The following KIF26B variants were observed in gnomAD, a reference collection of about 807,000 sequenced individuals.
KIF26B encodes the protein kinesin-like protein KIF26B.
KIF26B carries 63 observed loss-of-function variants against 151.2 expected under a neutral mutation model. The ratio of observed to expected loss-of-function variants is 0.42; its 90% CI spans 0.34 to 0.51. The LOEUF is 0.51. Among genes scored for constraint, KIF26B ranks in the 20% least tolerant of loss-of-function variants. The pLI, the probability that KIF26B is intolerant of heterozygous loss-of-function variation, is 0.07. For synonymous variants in KIF26B, 1,357 were observed against 1,262.1 expected, an observed-to-expected ratio of 1.08 and a Z score of -1.59; for missense variants, 2,813 against 2,913.6, an observed-to-expected ratio of 0.97 and a Z score of 0.79.
intron 5 of KIF26B, among the ~76,000 whole-genome samples, chr1:245,573,255 G>A (rs921338177): frequency 3.3e-5 from 5 of 152,196 alleles, no homozygotes; most frequent in Non-Finnish European, 7.3e-5. Context: ...CGGGAGCAGC[G>A]GCTCACGCCT....
chr1:245,428,743 TTGTC>T (rs1658705924), intron 4 of KIF26B, among the ~76,000 whole-genome samples: 1 of 152,094 alleles, frequency 6.6e-6, no homozygotes, highest in Non-Finnish European at 1.5e-5. Context: ...AACAAGTCCT[TTGTC>T]TGACTGGCGG....
At chr1:245,382,785 C>CT (rs1053087473) in intron 3 of KIF26B, among the ~76,000 whole-genome samples, 3 of 151,942 alleles carry the variant, frequency 2.0e-5, no homozygotes, top group African/African-American at 7.3e-5. Flanking sequence ...TCAGGCTGGT[C>CT]TTGAACTCCC....
At chr1:245,262,058 T>G (rs1241038700) in intron 2 of KIF26B, among the ~76,000 whole-genome samples, 1 of 152,202 alleles carries the variant, frequency 6.6e-6, no homozygotes, top group Non-Finnish European at 1.5e-5. Context: ...CACTGAGGTG[T>G]GACGAGCACA....
At chr1:245,547,968 C>T (rs1441186812) in intron 5 of KIF26B, among the ~76,000 whole-genome samples, 1 of 152,150 alleles carries the variant, frequency 6.6e-6, no homozygotes, top group Non-Finnish European at 1.5e-5. Flanking sequence ...CCACTTTCTC[C>T]GTGGAGATCC....
intron 2 of KIF26B, among the ~76,000 whole-genome samples, chr1:245,203,246 C>CAAAAAAAAA (rs562600864): frequency 1.4e-4 from 4 of 29,568 alleles, no homozygotes; most frequent in East Asian, 9.7e-4. Flanking sequence ...GACTCTGTCT[C>CAAAAAAAAA]AAAAAAAAAA....
intron 4 of KIF26B, among the ~76,000 whole-genome samples, chr1:245,517,869 ATTTTT>A (rs549396811): frequency 2.3e-5 from 3 of 131,004 alleles, no homozygotes; most frequent in African/African-American, 3.0e-5. Context: ...GTGTCATGTA[ATTTTT>A]TTTTTTTTTT....
rs1429023159 is a variant in KIF26B, at chr1:245,367,782, G to A, written c.999+415G>A. Among the ~76,000 whole-genome samples, 1 of 152,218 alleles carries A rather than the reference G, an allele frequency of 6.6e-6. No homozygotes were observed. The highest frequency in any genetic ancestry group is 1.5e-5 in the Non-Finnish European group (1 of 68,038). The stretch of plus-strand genomic sequence containing the variant: ...TATTAGCAGCGTGACTTGGCACAAG[G>A]GGTTTGCCCTGTCTTAGGCTCAAGT... On this transcript the variant is annotated intron_variant, in intron 3 of 14. Transcript: ENST00000407071. The surrounding 1 kb of genome is among the most constrained non-coding windows in gnomAD (Gnocchi z 4.2).
chr1:245,175,084 G>A (rs927801175), intron 2 of KIF26B, among the ~76,000 whole-genome samples: 1 of 152,114 alleles, frequency 6.6e-6, no homozygotes, highest in Non-Finnish European at 1.5e-5. Flanking sequence ...GTCTCTCCCG[G>A]TTGAGACTTC....
At chr1:245,619,603 CAAAAA>C (rs34022501) in intron 9 of KIF26B, among the ~76,000 whole-genome samples, 1 of 110,774 alleles carries the variant, frequency 9.0e-6, no homozygotes, top group Admixed American at 1.0e-4. Flanking sequence ...GAAACTGTTT[CAAAAA>C]AAAAAAAAAA....
At chr1:245,522,912 G>A (rs540961917) in intron 4 of KIF26B, among the ~76,000 whole-genome samples, 4 of 152,276 alleles carry the variant, frequency 2.6e-5, no homozygotes, top group Middle Eastern at 3.4e-3. Flanking sequence ...ATGTCTAAAC[G>A]GAGACACTTA....
chr1:245,454,007 A>C (rs2103054271), intron 4 of KIF26B, among the ~76,000 whole-genome samples: 1 of 152,252 alleles, frequency 6.6e-6, no homozygotes, highest in East Asian at 1.9e-4. Flanking sequence ...GGTTTCAATA[A>C]CCTTCAGGCT....
chr1:245,607,435 G>T (rs138102495), intron 6 of KIF26B, among the ~76,000 whole-genome samples: 5 of 152,320 alleles, frequency 3.3e-5, no homozygotes, highest in Non-Finnish European at 5.9e-5. Context: ...CAGAAGGGTG[G>T]TTTGCAGTGC....
rs549526306 is a variant in KIF26B, at chr1:245,564,386, G to A, written c.1350+23436G>A. On this transcript the variant is annotated intron_variant, in intron 5 of 14. Coordinates refer to ENST00000407071, the MANE Select transcript of KIF26B (RefSeq NM_018012.4). The surrounding 1 kb of genome is among the most constrained non-coding windows in gnomAD (Gnocchi z 4.6). ...CGGAGACCTTTCCCGGAGCAGGAAC[G>A]GGGCCACGGCCGTGTTTGCATTTTC... Among the ~76,000 whole-genome samples, 2 of 152,136 alleles carry A rather than the reference G, an allele frequency of 1.3e-5. No homozygotes were observed. The highest frequency in any genetic ancestry group is 1.9e-4 in the East Asian group (1 of 5,184).
intron 2 of KIF26B, among the ~76,000 whole-genome samples, chr1:245,164,843 C>T (rs1388077790): frequency 4.6e-5 from 7 of 152,234 alleles, no homozygotes; most frequent in Admixed American, 2.0e-4. Flanking sequence ...GAGGCCAAGA[C>T]GGGTGGATCA....
At chr1:245,303,483 C>A (rs1460680125) in intron 2 of KIF26B, among the ~76,000 whole-genome samples, 1 of 150,962 alleles carries the variant, frequency 6.6e-6, no homozygotes, top group Non-Finnish European at 1.5e-5. Context: ...CAGGCGTAAG[C>A]CACCGCGCCC....
At chr1:245,475,607 C>T (rs1660018147) in intron 4 of KIF26B, among the ~76,000 whole-genome samples, 2 of 151,682 alleles carry the variant, frequency 1.3e-5, no homozygotes, top group Non-Finnish European at 2.9e-5. Flanking sequence ...GATATTTCTC[C>T]AATCATATAC....
At chr1:245,347,373 C>T (rs1243180767) in intron 2 of KIF26B, among the ~76,000 whole-genome samples, 3 of 151,924 alleles carry the variant, frequency 2.0e-5, no homozygotes, top group African/African-American at 7.3e-5. Context: ...AGCGTAGTGG[C>T]GTAACCACAG....
chr1:245,567,697 T>G (rs1042668138), intron 5 of KIF26B, among the ~76,000 whole-genome samples: 2 of 152,134 alleles, frequency 1.3e-5, no homozygotes, highest in African/African-American at 4.8e-5. Context: ...ATTTGCCAAA[T>G]GACTCCCATG....
At chr1:245,230,612 G>A (rs757300863) in intron 2 of KIF26B, among the ~76,000 whole-genome samples, 16 of 151,680 alleles carry the variant, frequency 1.1e-4, no homozygotes, top group East Asian at 5.8e-4. Context: ...GCATGGTGGC[G>A]TGTGCCTGTA....
Sources: allele counts gnomAD v4.1 joint callset (sites outside exome capture counted in the v4.1 genomes callset), GRCh38; gene constraint gnomAD v4.1.1; non-coding constraint Gnocchi (gnomAD v3.1); transcripts MANE v1.5; gene names NCBI Gene and HGNC (gene_info 2026-07-23, HGNC 2026-07-21).